The following POLR3E variants were observed in gnomAD, a reference collection of about 807,000 sequenced individuals.
POLR3E encodes RNA polymerase III subunit E, also known as DNA-directed RNA polymerase III subunit RPC5.
A neutral mutation model predicts 96.6 loss-of-function variants in POLR3E; 41 were observed. The observed-to-expected ratio is 0.42, with a 90% CI of 0.33 to 0.55. The LOEUF is 0.55. Ranked by LOEUF, POLR3E falls within the 20% of genes least tolerant of loss-of-function variation. The pLI, the probability that POLR3E is intolerant of heterozygous loss-of-function variation, is 0.06. For synonymous variants in POLR3E, 396 were observed against 383.6 expected (o/e 1.03, Z -0.38); for missense variants, 849 against 952.1 (o/e 0.89, Z 1.43).
intron 9 of POLR3E, 89 bp downstream of exon 9, chr16:22,315,297 G>T (rs1175895335): frequency 2.2e-6 from 3 of 1,383,244 alleles, no homozygotes; most frequent in East Asian, 5.1e-5. Context: ...TTGAACTTAA[G>T]TCAAATTCAT....
intron 2 of POLR3E, among the ~76,000 whole-genome samples, chr16:22,303,299 TA>T (rs1424579019): frequency 1.3e-5 from 2 of 152,246 alleles, no homozygotes; most frequent in South Asian, 4.1e-4. Flanking sequence ...ACCTTGGCGG[TA>T]ACTCATACTT....
At chr16:22,326,306 ATGGGGGGTGGGGGG>A in intron 18 of POLR3E, 28 bp downstream of exon 18, 1 of 411,198 alleles carries the variant, frequency 2.4e-6, no homozygotes, top group African/African-American at 2.6e-5. Flanking sequence ...TGCCAGGGGC[ATGGGGGGTGGGGGG>A]TGGGGAGAAC....
In POLR3E at chr16:22,325,928, G is replaced by T; in HGVS notation, c.1516G>T (p.Gly506Cys). 6.3e-7 allele frequency: 1 copy of T among 1,597,822 alleles called. No homozygotes were observed. Among genetic ancestry groups the T allele is most frequent in the South Asian group, 1.1e-5 (1 of 89,518 alleles). The stretch of plus-strand genomic sequence containing the variant: ...CAAGGAGGAGCCCGTGAGCGAGGAG[G>T]GCGAGGAGGACGAGGAGCAGGAGGC... ...RIKEEPVSEEGEEDEEQEAEE... is the reference protein window; with the variant it reads ...RIKEEPVSEECEEDEEQEAEE... The change falls in exon 18 of 21, where the codon GGC becomes TGC. Residue 506 changes from glycine (G) to cysteine (C), a missense_variant. Transcript: ENST00000299853.
chr16:22,319,523 C>T (rs1467574474), intron 13 of POLR3E, among the ~76,000 whole-genome samples: 7 of 151,708 alleles, frequency 4.6e-5, no homozygotes, highest in African/African-American at 2.4e-5. Context: ...CTCAGCCTCC[C>T]GAGTAGCTGG....
intron 18 of POLR3E, chr16:22,327,699 G>C (rs2048632332): frequency 6.6e-6 from 1 of 152,322 alleles, no homozygotes; most frequent in Non-Finnish European, 1.5e-5. Context: ...TCCAGGGCAA[G>C]TGAATAGATC....
At chr16:22,314,010 C>T (rs995878192) in intron 7 of POLR3E, 69 bp from the exon 8 acceptor site, 80 of 1,370,984 alleles carry the variant, frequency 5.8e-5, no homozygotes, top group East Asian at 6.9e-5. Context: ...GCTTCCCTGG[C>T]GGGTGGGGTT....
At position 22,324,644 on chromosome 16, in the gene POLR3E, A is replaced by G. The variant is rs143215940; in HGVS notation, c.1270A>G (p.Thr424Ala). Residue 424 changes from threonine (T) to alanine (A), a missense_variant, in exon 16 of 21, where the codon ACG (threonine) becomes GCG (alanine). Coordinates refer to ENST00000299853, the MANE Select transcript of POLR3E (RefSeq NM_018119.4). ...GGTCCAGCGGCAGCACATGCTGTGGACGGGTATCCAGGCCAAGTAAGCACC... is the reference window on the plus strand; with the variant it reads ...GGTCCAGCGGCAGCACATGCTGTGGGCGGGTATCCAGGCCAAGTAAGCACC... ...DVVQRQHMLW[T>A]GIQAKLEKVY... 102 of 1,613,800 alleles carry G rather than the reference A, an allele frequency of 6.3e-5. No individual in the cohort carries two copies. In the African/African-American group the frequency reaches 1.2e-3, roughly 18 times the overall value.
At chr16:22,308,401 A>C in intron 4 of POLR3E, 176 bp downstream of exon 4, 2 of 618,804 alleles carry the variant, frequency 3.2e-6, no homozygotes, top group Non-Finnish European at 2.9e-6. Context: ...GGGCAGCTCC[A>C]GAGAGGCCAG....
chr16:22,322,349 T>C lies in POLR3E; in HGVS notation c.987-501T>C, dbSNP rs1345621800. On this transcript the variant is annotated intron_variant, in intron 13 of 20. Transcript: ENST00000299853. This position sits in a 1 kb window ranked among gnomAD's most constrained non-coding sequence, Gnocchi z 5.2. ...CCCCGGCCTTTCCTCTGAAGTTCCCTGAACCTTGAGTGCTGAGCCTGTTCT... is the reference window on the plus strand; with the variant it reads ...CCCCGGCCTTTCCTCTGAAGTTCCCCGAACCTTGAGTGCTGAGCCTGTTCT... Among the ~76,000 whole-genome samples the C allele has an allele frequency of 1.3e-5, 2 of 152,192 alleles. No individual in the cohort carries two copies. Among genetic ancestry groups the C allele is most frequent in the African/African-American group, 4.8e-5 (2 of 41,446 alleles).
intron 3 of POLR3E, among the ~76,000 whole-genome samples, chr16:22,307,099 T>C (rs1351495766): frequency 6.6e-6 from 1 of 152,154 alleles, no homozygotes; most frequent in Non-Finnish European, 1.5e-5. Context: ...CACCATCGGC[T>C]CTGTTTGCCT....
intron 3 of POLR3E, among the ~76,000 whole-genome samples, chr16:22,306,800 C>T (rs1158321269): frequency 6.6e-6 from 1 of 152,228 alleles, no homozygotes; most frequent in African/African-American, 2.4e-5. Flanking sequence ...GCTGCTCTGC[C>T]CCATGTTGCC....
chr16:22,322,957 C>T lies in POLR3E; in HGVS notation c.1068+26C>T. On this transcript the variant is annotated intron_variant, in intron 14 of 20. Coordinates refer to ENST00000299853, the MANE Select transcript of POLR3E (RefSeq NM_018119.4). The surrounding 1 kb of genome is among the most constrained non-coding windows in gnomAD (Gnocchi z 5.2). ...GTAAGTACCTTGGGTTCTCTGGACTCACGGTGGGGGCGTGGGAAGAGGGGG... is the reference window on the plus strand; with the variant it reads ...GTAAGTACCTTGGGTTCTCTGGACTTACGGTGGGGGCGTGGGAAGAGGGGG... 4.6e-6 allele frequency: 7 copies of T among 1,536,742 alleles called. No individual in the cohort carries two copies. The highest frequency in any genetic ancestry group is 6.3e-6 in the Non-Finnish European group (7 of 1,114,280).
chr16:22,315,286 C>T (rs932996941), intron 9 of POLR3E, 78 bp downstream of exon 9: 24 of 1,444,270 alleles, frequency 1.7e-5, no homozygotes, highest in Non-Finnish European at 2.3e-5. Flanking sequence ...CGTGTCTCAC[C>T]TTGAACTTAA....
chr16:22,305,006 T>C, intron 2 of POLR3E, 150 bp from the exon 3 acceptor site: 1 of 710,934 alleles, frequency 1.4e-6, no homozygotes, highest in South Asian at 1.5e-5. Flanking sequence ...TTGGATCCGC[T>C]TGCTTTTAGC....
chr16:22,318,905 G>T lies in POLR3E; in HGVS notation c.945G>T (p.Gln315His). 6.2e-7 allele frequency: 1 copy of T among 1,613,910 alleles called. No individual in the cohort carries two copies. Among genetic ancestry groups the T allele is most frequent in the Non-Finnish European group, 8.5e-7 (1 of 1,179,858 alleles). The stretch of plus-strand genomic sequence containing the variant: ...CCGTGGCTGTTCTGCGGGGCATCCA[G>T]AAGGTGGCGATGTTGGTCCAAGGGA... The part of the protein sequence containing the change: ...IDSVAVLRGI[Q>H]KVAMLVQGNW... Residue 315 changes from glutamine (Q) to histidine (H), a missense_variant, in exon 13 of 21, where the codon CAG becomes CAT. Physicochemically the swap from Gln to His is conservative, Grantham distance 24. Transcript: ENST00000299853. The surrounding 1 kb of genome is among the most constrained non-coding windows in gnomAD (Gnocchi z 5.0).
intron 3 of POLR3E, among the ~76,000 whole-genome samples, chr16:22,307,832 A>T (rs946400226): frequency 6.6e-6 from 1 of 151,888 alleles, no homozygotes; most frequent in African/African-American, 2.4e-5. Context: ...CTCACCTCCC[A>T]TGGCCGTGCT....
chr16:22,307,845 G>T (rs2048166226), intron 3 of POLR3E, among the ~76,000 whole-genome samples: 1 of 152,218 alleles, frequency 6.6e-6, no homozygotes, highest in African/African-American at 2.4e-5. Context: ...GCCGTGCTCT[G>T]TGGGTTCCTG....
In POLR3E at chr16:22,322,978, G is replaced by T. The variant is rs770306079; in HGVS notation, c.1068+47G>T. The stretch of plus-strand genomic sequence containing the variant: ...GACTCACGGTGGGGGCGTGGGAAGA[G>T]GGGGGCAGCGGTGCAGGGCTTCTGA... On this transcript the variant is annotated intron_variant, in intron 14 of 20. Transcript: ENST00000299853. This position sits in a 1 kb window ranked among gnomAD's most constrained non-coding sequence, Gnocchi z 5.2. 3 of 1,329,338 alleles carry T rather than the reference G, an allele frequency of 2.3e-6. No homozygotes were observed. Among genetic ancestry groups the T allele is most frequent in the South Asian group, 1.2e-5 (1 of 82,310 alleles). 82.3% of individuals were successfully genotyped at this position (1,329,338 alleles called of 1,614,324 possible).
At chr16:22,304,371 G>A (rs2048091212) in intron 2 of POLR3E, among the ~76,000 whole-genome samples, 1 of 151,808 alleles carries the variant, frequency 6.6e-6, no homozygotes, top group Admixed American at 6.6e-5. Flanking sequence ...CATTTAAGCT[G>A]CATCTACACT....
Sources: allele counts gnomAD v4.1 joint callset (sites outside exome capture counted in the v4.1 genomes callset), GRCh38; gene constraint gnomAD v4.1.1; non-coding constraint Gnocchi (gnomAD v3.1); transcripts MANE v1.5; gene names NCBI Gene and HGNC (gene_info 2026-07-23, HGNC 2026-07-21).